The following MAP3K4 variants were observed in gnomAD, a reference collection of about 807,000 sequenced individuals.
MAP3K4 encodes the protein mitogen-activated protein kinase kinase kinase 4, also known as MAP three kinase 1.
MAP3K4 carries 67 observed loss-of-function variants against 185.6 expected under a neutral mutation model. That is an observed-to-expected ratio of 0.36 (90% CI 0.30 to 0.44). The LOEUF (loss-of-function observed/expected upper bound fraction) is 0.44, where lower values mean the gene tolerates loss of function less well. MAP3K4 is among the 20% of genes least tolerant of loss of function. The pLI is 1.00. For synonymous variants in MAP3K4, 702 were observed against 710.4 expected (o/e 0.99, Z 0.19); for missense variants, 1,551 against 1,995.1 (o/e 0.78, Z 4.24).
At chr6:161,021,775 C>G (rs1583122001) in intron 1 of MAP3K4, among the ~76,000 whole-genome samples, 1 of 152,180 alleles carries the variant, frequency 6.6e-6, no homozygotes, top group South Asian at 2.1e-4. Context: ...CACCTCTTGT[C>G]TGGTGGGGTC....
chr6:161,111,476 G>A (rs1057039806), intron 23 of MAP3K4, among the ~76,000 whole-genome samples: 1 of 152,198 alleles, frequency 6.6e-6, no homozygotes, highest in African/African-American at 2.4e-5. Flanking sequence ...TGTTTCAGAC[G>A]CTGCTGATTG....
chr6:161,032,457 A>T (rs1384938726), intron 1 of MAP3K4, among the ~76,000 whole-genome samples: 1 of 152,180 alleles, frequency 6.6e-6, no homozygotes, highest in Non-Finnish European at 1.5e-5. Flanking sequence ...AGTATTTATA[A>T]GTCTAAGTAT....
chr6:160,996,380 A>G lies in MAP3K4; in HGVS notation c.152+4297A>G, dbSNP rs1200768734. 4.6e-5 allele frequency among the ~76,000 whole-genome samples: 7 copies of G among 152,170 alleles called. No individual in the cohort carries two copies. The highest frequency in any genetic ancestry group is 1.7e-4 in the African/African-American group (7 of 41,440). ...AGAGGCCACTCTGTTTCCTTCATGTATGCTCTCATGGTGTCCTGCAAATCT... is the reference window on the plus strand; with the variant it reads ...AGAGGCCACTCTGTTTCCTTCATGTGTGCTCTCATGGTGTCCTGCAAATCT... On this transcript the variant is annotated intron_variant, in intron 1 of 26. Coordinates refer to ENST00000392142, the MANE Select transcript of MAP3K4 (RefSeq NM_005922.4). This position sits in a 1 kb window ranked among gnomAD's most constrained non-coding sequence, Gnocchi z 4.5.
Position 161,084,647 on chromosome 6 carries a change from C to T in MAP3K4, c.2372+30C>T. The T allele has an allele frequency of 1.6e-6, 2 of 1,231,784 alleles. No homozygotes were observed. Among genetic ancestry groups the T allele is most frequent in the Non-Finnish European group, 2.4e-6 (2 of 831,900 alleles). 76.3% of individuals were successfully genotyped at this position (1,231,784 alleles called of 1,614,324 possible). On this transcript the variant is annotated intron_variant, in intron 7 of 26. Coordinates refer to ENST00000392142, the MANE Select transcript of MAP3K4 (RefSeq NM_005922.4). The surrounding 1 kb of genome is among the most constrained non-coding windows in gnomAD (Gnocchi z 4.6). ...GAGTTGTGCTTCCTTTCCCCTTCCACTTCTTATCTCGTAGTTTCCTTCCTC... is the reference window on the plus strand; with the variant it reads ...GAGTTGTGCTTCCTTTCCCCTTCCATTTCTTATCTCGTAGTTTCCTTCCTC...
intron 3 of MAP3K4, among the ~76,000 whole-genome samples, chr6:161,060,400 G>A (rs530727343): frequency 4.6e-5 from 7 of 152,104 alleles, no homozygotes; most frequent in African/African-American, 1.7e-4. Context: ...AACATATTTG[G>A]TATGTTTCAA....
In MAP3K4 at chr6:161,048,570, A is replaced by T. The variant is rs190399385; in HGVS notation, c.344-46A>T. ...TATTGAAAATATTGAGAGTAGCTTC[A>T]TATTTTAGAGTTATATAATGTTCTG... On this transcript the variant is annotated intron_variant, in intron 2 of 26. Coordinates refer to ENST00000392142, the MANE Select transcript of MAP3K4 (RefSeq NM_005922.4). This position sits in a 1 kb window ranked among gnomAD's most constrained non-coding sequence, Gnocchi z 4.7. 1 of 1,259,518 alleles carries T rather than the reference A, an allele frequency of 7.9e-7. No homozygotes were observed. Among genetic ancestry groups the T allele is most frequent in the Non-Finnish European group, 1.1e-6 (1 of 917,522 alleles). 78.0% of individuals were successfully genotyped at this position (1,259,518 alleles called of 1,614,324 possible).
At position 161,053,378 on chromosome 6, in the gene MAP3K4, A is replaced by G. The variant is rs1784090589; in HGVS notation, c.1707+3399A>G. On this transcript the variant is annotated intron_variant, in intron 3 of 26. Transcript: ENST00000392142. The surrounding 1 kb of genome is among the most constrained non-coding windows in gnomAD (Gnocchi z 4.2). ...ACATAGGGTGGGGACACAGATCCAC[A>G]TCTTATCAAATGGTAAAATGCTCTA... is the stretch of plus-strand genomic sequence containing the variant. Among the ~76,000 whole-genome samples the G allele has an allele frequency of 1.3e-5, 2 of 152,208 alleles. No homozygotes were observed. The highest frequency in any genetic ancestry group is 1.5e-5 in the Non-Finnish European group (1 of 68,042).
Position 161,091,935 on chromosome 6 carries a change from G to A in MAP3K4, c.3136-75G>A, listed in dbSNP as rs1039534743. 1.3e-5 allele frequency: 16 copies of A among 1,221,706 alleles called. No homozygotes were observed. In the African/African-American group the frequency reaches 2.4e-4, roughly 18 times the overall value. 75.7% of individuals were successfully genotyped at this position (1,221,706 alleles called of 1,614,324 possible). ...CTTTTTGTTTTTAGAAAACATTTTA[G>A]ACATGGCATTATAGTGTGTGATATT... On this transcript the variant is annotated intron_variant, in intron 12 of 26. Coordinates refer to ENST00000392142, the MANE Select transcript of MAP3K4 (RefSeq NM_005922.4). This position sits in a 1 kb window ranked among gnomAD's most constrained non-coding sequence, Gnocchi z 5.5.
intron 1 of MAP3K4, among the ~76,000 whole-genome samples, chr6:161,024,995 C>G (rs1029816346): frequency 1.3e-5 from 2 of 152,030 alleles, no homozygotes; most frequent in Non-Finnish European, 2.9e-5. Flanking sequence ...ACCCACCCAC[C>G]CAGCCATCCA....
At chr6:161,023,490 G>A (rs187417364) in intron 1 of MAP3K4, among the ~76,000 whole-genome samples, 49 of 152,312 alleles carry the variant, frequency 3.2e-4, no homozygotes, top group African/African-American at 1.1e-3. Flanking sequence ...CATGAGGATG[G>A]AAGAGCAGAA....
Position 160,996,322 on chromosome 6 carries a change from C to A in MAP3K4, c.152+4239C>A, listed in dbSNP as rs1277678326. On this transcript the variant is annotated intron_variant, in intron 1 of 26. Transcript: ENST00000392142. This position sits in a 1 kb window ranked among gnomAD's most constrained non-coding sequence, Gnocchi z 4.5. The stretch of plus-strand genomic sequence containing the variant: ...ACTGGGGACTTGTCACTTAGGAGGA[C>A]TTTGTAGTTCCCTTTAATTTTCTGT... Among the ~76,000 whole-genome samples the A allele has an allele frequency of 6.6e-6, 1 of 152,146 alleles. No individual in the cohort carries two copies. The highest frequency in any genetic ancestry group is 1.5e-5 in the Non-Finnish European group (1 of 68,030).
In MAP3K4 at chr6:161,109,505, C is replaced by T. The variant is rs1282933660; in HGVS notation, c.4237-250C>T. ...TTTCAGAGGATAATAGAAATTGATC[C>T]CCTGTGATTTGGAGATGTTCTTATC... is the stretch of plus-strand genomic sequence containing the variant. On this transcript the variant is annotated intron_variant, in intron 22 of 26. Transcript: ENST00000392142. The surrounding 1 kb of genome is among the most constrained non-coding windows in gnomAD (Gnocchi z 5.7). Among the ~76,000 whole-genome samples the T allele has an allele frequency of 6.6e-6, 1 of 152,032 alleles. No individual in the cohort carries two copies. The highest frequency in any genetic ancestry group is 1.5e-5 in the Non-Finnish European group (1 of 68,010).
intron 3 of MAP3K4, 102 bp downstream of exon 3, chr6:161,050,081 G>T (rs1185176147): frequency 2.6e-6 from 3 of 1,174,536 alleles, no homozygotes; most frequent in Admixed American, 4.9e-5. Flanking sequence ...TAATATTTTT[G>T]AACACAAATG....
intron 1 of MAP3K4, among the ~76,000 whole-genome samples, chr6:161,004,700 C>T (rs1475668306): frequency 6.6e-6 from 1 of 151,980 alleles, no homozygotes; most frequent in Non-Finnish European, 1.5e-5. Flanking sequence ...TATATTTAAC[C>T]CAAGTGACAA....
At position 161,114,982 on chromosome 6, in the gene MAP3K4, A is replaced by C; in HGVS notation, c.4627-141A>C. On this transcript the variant is annotated intron_variant, in intron 25 of 26. Coordinates refer to ENST00000392142, the MANE Select transcript of MAP3K4 (RefSeq NM_005922.4). The surrounding 1 kb of genome is among the most constrained non-coding windows in gnomAD (Gnocchi z 4.3). ...GAGATCATATGGCCTGTCAACCTAA[A>C]ATATTGTTTGGCCCTTTCAGTAAAA... The C allele has an allele frequency of 1.5e-6, 1 of 648,520 alleles. No individual in the cohort carries two copies. The highest frequency in any genetic ancestry group is 2.2e-5 in the South Asian group (1 of 45,446). The allele number at this position is 648,520 out of a possible 1,614,324, so 40.2% of individuals were successfully genotyped here. A position where few individuals can be genotyped will look rare whatever the true frequency, so the allele number is the denominator to read the frequency against.
At chr6:161,023,084 T>C (rs895072209) in intron 1 of MAP3K4, among the ~76,000 whole-genome samples, 2 of 152,238 alleles carry the variant, frequency 1.3e-5, no homozygotes, top group Admixed American at 6.5e-5. Context: ...TCCAGCTTTA[T>C]ATGAAAAGGT....
intron 1 of MAP3K4, among the ~76,000 whole-genome samples, chr6:161,032,511 C>A (rs180778788): frequency 9.2e-5 from 14 of 152,240 alleles, no homozygotes; most frequent in Non-Finnish European, 1.3e-4. Flanking sequence ...GAAAATTTGT[C>A]CAAGGTCCAC....
In MAP3K4 at chr6:161,071,318, T is replaced by C. The variant is rs1784932390; in HGVS notation, c.1950+468T>C. On this transcript the variant is annotated intron_variant, in intron 4 of 26. Transcript: ENST00000392142. This position sits in a 1 kb window ranked among gnomAD's most constrained non-coding sequence, Gnocchi z 4.6. ...GTTGTTGTTCATTCTGGGTGGGATC[T>C]TACGGATGTTTGATATCCCAGGAGC... Among the ~76,000 whole-genome samples, 1 of 152,226 alleles carries C rather than the reference T, an allele frequency of 6.6e-6. No homozygotes were observed. The highest frequency in any genetic ancestry group is 1.5e-5 in the Non-Finnish European group (1 of 68,046).
rs777980258 is a variant in MAP3K4, at chr6:161,098,473, T to C, written c.3674+46T>C. On this transcript the variant is annotated intron_variant, in intron 17 of 26. Transcript: ENST00000392142. This position sits in a 1 kb window ranked among gnomAD's most constrained non-coding sequence, Gnocchi z 4.4. ...TCCCGTACCCTCACCACCCCTTACA[T>C]GCGCTTACACAGCAACCATAGTGTT... The C allele has an allele frequency of 1.9e-6, 3 of 1,580,658 alleles. 1 individual carries two copies. The highest frequency in any genetic ancestry group is 2.6e-6 in the Non-Finnish European group (3 of 1,160,328).
Sources: allele counts gnomAD v4.1 joint callset (sites outside exome capture counted in the v4.1 genomes callset), GRCh38; gene constraint gnomAD v4.1.1; non-coding constraint Gnocchi (gnomAD v3.1); transcripts MANE v1.5; gene names NCBI Gene and HGNC (gene_info 2026-07-23, HGNC 2026-07-21).